Variants in LIMCH1 observed in about 807,000 individuals in gnomAD.
LIMCH1 encodes the protein LIM and calponin homology domains-containing protein 1.
In LIMCH1, 113 loss-of-function variants were observed where a neutral mutation model predicts 176.5. That is an observed-to-expected ratio of 0.64 (90% CI 0.55 to 0.75). The LOEUF (loss-of-function observed/expected upper bound fraction) is 0.75, where lower values mean the gene tolerates loss of function less well. LIMCH1 is among the 30% of genes least tolerant of loss of function. The pLI, the probability that LIMCH1 is intolerant of heterozygous loss-of-function variation, is 0.00. For missense variants in LIMCH1, 1,674 were observed against 1,814.9 expected (o/e 0.92, Z 1.41); for synonymous variants, 619 against 645.9 (o/e 0.96, Z 0.63).
At chr4:41,682,493 T>C in intron 26 of LIMCH1, 33 bp downstream of exon 26, 1 of 1,605,590 alleles carries the variant, frequency 6.2e-7, no homozygotes. Context: ...CATGAAAATG[T>C]ACAAAGCTGG....
At chr4:41,462,258 C>T (rs1275923075) in intron 1 of LIMCH1, among the ~76,000 whole-genome samples, 1 of 152,070 alleles carries the variant, frequency 6.6e-6, no homozygotes, top group Non-Finnish European at 1.5e-5. Context: ...TTGTGCTGGT[C>T]CCAGTTGACT....
At chr4:41,539,142 G>A (rs2078303606) in intron 1 of LIMCH1, among the ~76,000 whole-genome samples, 1 of 152,156 alleles carries the variant, frequency 6.6e-6, no homozygotes, top group African/African-American at 2.4e-5. Context: ...ATGGCAAAAT[G>A]ATTCATCTTT....
chr4:41,602,970 T>C (rs78810174), intron 2 of LIMCH1, among the ~76,000 whole-genome samples: 3,512 of 152,278 alleles, frequency 0.023, 82 homozygotes, highest in African/African-American at 0.06. Context: ...TTTATTTCCA[T>C]GGTATGCTAC....
intron 22 of LIMCH1, among the ~76,000 whole-genome samples, chr4:41,673,569 CT>C (rs1037443063): frequency 6.6e-6 from 1 of 152,152 alleles, no homozygotes; most frequent in Non-Finnish European, 1.5e-5. Context: ...TTAGATTATG[CT>C]GGCCTCCGTA....
chr4:41,569,527 A>G (rs2083238434), intron 1 of LIMCH1, among the ~76,000 whole-genome samples: 1 of 152,208 alleles, frequency 6.6e-6, no homozygotes, highest in Non-Finnish European at 1.5e-5. Context: ...AACGCGAAGT[A>G]AAAGAATAGG....
chr4:41,552,757 G>T (rs2080650853), intron 1 of LIMCH1, among the ~76,000 whole-genome samples: 1 of 152,018 alleles, frequency 6.6e-6, no homozygotes, highest in South Asian at 2.1e-4. Flanking sequence ...TTGCCTTTCT[G>T]CTAGGCTCTG....
intron 1 of LIMCH1, among the ~76,000 whole-genome samples, chr4:41,363,717 C>T (rs748146592): frequency 5.3e-5 from 8 of 152,146 alleles, no homozygotes; most frequent in Admixed American, 3.3e-4. Context: ...GCCCCCTTCC[C>T]CTCACTCCTT....
chr4:41,378,272 G>A (rs755133384), intron 1 of LIMCH1, among the ~76,000 whole-genome samples: 12 of 152,176 alleles, frequency 7.9e-5, no homozygotes, highest in Non-Finnish European at 1.0e-4. Flanking sequence ...GAACTAAATG[G>A]GCTGGGCTCA....
At chr4:41,422,440 G>A (rs1379984074) in intron 1 of LIMCH1, among the ~76,000 whole-genome samples, 2 of 151,988 alleles carry the variant, frequency 1.3e-5, no homozygotes, top group Admixed American at 6.6e-5. Context: ...TGCCTGCCTC[G>A]GCCTCCCAAA....
chr4:41,406,305 A>G (rs2058956082), intron 1 of LIMCH1, among the ~76,000 whole-genome samples: 1 of 152,292 alleles, frequency 6.6e-6, no homozygotes, highest in African/African-American at 2.4e-5. Flanking sequence ...GAATTTGGGT[A>G]TGTTTTATGG....
chr4:41,536,883 G>A (rs2078007510), upstream of LIMCH1, among the ~76,000 whole-genome samples: 1 of 152,090 alleles, frequency 6.6e-6, no homozygotes, highest in Admixed American at 6.6e-5. Flanking sequence ...AATAAAACAT[G>A]GATTTAGTTA....
chr4:41,487,653 C>CT (rs149754932), intron 1 of LIMCH1, among the ~76,000 whole-genome samples: 1,985 of 108,104 alleles, frequency 0.018, 6 homozygotes, highest in Non-Finnish European at 0.023. Flanking sequence ...TTTTTATATT[C>CT]TTTTTTTTTT....
chr4:41,676,901 G>A (rs1020764330), intron 23 of LIMCH1, among the ~76,000 whole-genome samples: 1 of 152,108 alleles, frequency 6.6e-6, no homozygotes, highest in African/African-American at 2.4e-5. Context: ...GGTGGCTCAC[G>A]ACTGTAATCC....
chr4:41,695,009 T>G (rs988068322), intron 31 of LIMCH1, among the ~76,000 whole-genome samples: 6 of 152,058 alleles, frequency 3.9e-5, no homozygotes, highest in African/African-American at 1.4e-4. Flanking sequence ...TTTCATATGT[T>G]TACTCACTAT....
At position 41,626,889 on chromosome 4, in the gene LIMCH1, C is replaced by T. The variant is rs1432217221; in HGVS notation, c.907C>T (p.Pro303Ser). 1.3e-6 allele frequency: 2 copies of T among 1,536,086 alleles called. No individual in the cohort carries two copies. Among genetic ancestry groups the T allele is most frequent in the South Asian group, 2.4e-5 (2 of 84,040 alleles). Reference protein sequence around the residue: ...ARRARMNQTKPMVPLNQLLYG... With the variant: ...ARRARMNQTKSMVPLNQLLYG... ...GAGAGCAAGGATGAACCAAACCAAGCCAATGGTGCCATTAAATCAACTCCT... is the reference window on the plus strand; with the variant it reads ...GAGAGCAAGGATGAACCAAACCAAGTCAATGGTGCCATTAAATCAACTCCT... The change falls in exon 8 of 32, where the codon CCA (proline) becomes TCA (serine). Residue 303 changes from proline to serine, a missense_variant. Pro to Ser is a moderately conservative substitution (Grantham distance 74, BLOSUM62 -1). Coordinates refer to ENST00000503057, the MANE Select transcript of LIMCH1 (RefSeq NM_001330672.2).
At chr4:41,445,398 C>T (rs2063184560) in intron 1 of LIMCH1, among the ~76,000 whole-genome samples, 1 of 152,186 alleles carries the variant, frequency 6.6e-6, no homozygotes, top group African/African-American at 2.4e-5. Context: ...GGACTTTTAC[C>T]ATTCTATGTT....
intron 1 of LIMCH1, among the ~76,000 whole-genome samples, chr4:41,375,528 C>T (rs1018720322): frequency 6.6e-6 from 1 of 152,108 alleles, no homozygotes; most frequent in Admixed American, 6.5e-5. Flanking sequence ...TTAAAGTATC[C>T]AATACCAGTA....
chr4:41,529,956 G>A (rs911497428), intron 3 of LIMCH1, among the ~76,000 whole-genome samples: 16 of 152,132 alleles, frequency 1.1e-4, no homozygotes, highest in Non-Finnish European at 1.8e-4. Context: ...GCATTTTGGG[G>A]AAAAGGATGT....
rs140341516 is a variant in LIMCH1, at chr4:41,600,736, T to C, written c.-134+1710T>C. Among the ~76,000 whole-genome samples, 504 of 152,202 alleles carry C rather than the reference T, an allele frequency of 3.3e-3. 2 individuals are homozygous for C. The highest frequency in any genetic ancestry group is 5.4e-3 in the Non-Finnish European group (368 of 68,012). ...TTGAAACTGGATGGAATATTCCATC[T>C]GGTATGATTCTGGGTCAAGCTTGCT... On this transcript the variant is annotated intron_variant, in intron 2 of 31. Coordinates refer to ENST00000503057, the MANE Select transcript of LIMCH1 (RefSeq NM_001330672.2).
Sources: gnomAD v4.1 joint callset for allele counts (sites outside exome capture counted in the v4.1 genomes callset) on GRCh38, gnomAD v4.1.1 for gene constraint, MANE v1.5 for transcripts, NCBI Gene and HGNC (gene_info 2026-07-23, HGNC 2026-07-21) for gene names.